DIP2A: variants seen among roughly 807,000 people sequenced by gnomAD.
DIP2A encodes the protein DIP2 acetate--CoA ligase A.
Under a neutral mutation model 177.4 loss-of-function variants are expected in DIP2A, and 85 were observed. The observed-to-expected ratio is 0.48, with a 90% CI of 0.40 to 0.57. The LOEUF is 0.57. Ranked by LOEUF, DIP2A falls within the 20% of genes least tolerant of loss-of-function variation. The pLI is 0.00. For synonymous variants in DIP2A, 886 were observed against 881.8 expected (o/e 1.00, Z -0.08); for missense variants, 1,791 against 2,100.2 (o/e 0.85, Z 2.88).
chr21:46,575,773 T>A, the DIP2A span, among the ~76,000 whole-genome samples: 1 of 152,166 alleles, frequency 6.6e-6, no homozygotes, highest in African/African-American at 2.4e-5. Flanking sequence ...TGGAAAGACA[T>A]CTTATGTTCA....
chr21:46,510,936 A>G (rs371513093), intron 7 of DIP2A, among the ~76,000 whole-genome samples: 2 of 151,622 alleles, frequency 1.3e-5, no homozygotes, highest in East Asian at 1.9e-4. Context: ...CCCAGCCTAT[A>G]ATCAAATAAT....
rs1471395638 is a variant in DIP2A at position 46,563,025 on chromosome 21, A to G, written c.4090-833A>G. On this transcript the variant is annotated intron_variant, in intron 34 of 37. Transcript: ENST00000417564. This position sits in a 1 kb window ranked among gnomAD's most constrained non-coding sequence, Gnocchi z 4.3. ...CCCCTTTTATTGGACGTTCTTTCCT[A>G]TTTTGCTGTTACAATCACTTGGGCC... Among the ~76,000 whole-genome samples the G allele has an allele frequency of 6.6e-6, 1 of 151,830 alleles. No homozygotes were observed. Among genetic ancestry groups the G allele is most frequent in the East Asian group, 1.9e-4 (1 of 5,184 alleles).
intron 8 of DIP2A, among the ~76,000 whole-genome samples, chr21:46,522,792 CAG>C (rs1249861350): frequency 6.6e-6 from 1 of 152,204 alleles, no homozygotes; most frequent in African/African-American, 2.4e-5. Flanking sequence ...ATGAGGAAAA[CAG>C]AGGTTCTTCC....
At position 46,556,320 on chromosome 21, in the gene DIP2A, T is replaced by C; in HGVS notation, c.3498+229T>C. ...GGTTATGTCTAAACTTTCTGATTTATGACTGTCTAGCTTACAGGAACTGGT... is the reference window on the plus strand; with the variant it reads ...GGTTATGTCTAAACTTTCTGATTTACGACTGTCTAGCTTACAGGAACTGGT... On this transcript the variant is annotated intron_variant, in intron 29 of 37. Transcript: ENST00000417564. The surrounding 1 kb of genome is among the most constrained non-coding windows in gnomAD (Gnocchi z 4.5). 2 of 1,487,132 alleles carry C rather than the reference T, an allele frequency of 1.3e-6. No homozygotes were observed. Among genetic ancestry groups the C allele is most frequent in the South Asian group, 2.4e-5 (2 of 82,642 alleles). 92.1% of individuals were successfully genotyped at this position (1,487,132 alleles called of 1,614,324 possible). A position where few individuals can be genotyped will look rare whatever the true frequency, so the allele number is the denominator to read the frequency against.
the DIP2A span, among the ~76,000 whole-genome samples, chr21:46,576,174 T>G: frequency 6.6e-6 from 1 of 152,170 alleles, no homozygotes; most frequent in Non-Finnish European, 1.5e-5. Flanking sequence ...ATGTGCAGAT[T>G]TGTTTCATAG....
chr21:46,458,947 C>T lies in DIP2A; in HGVS notation c.-185C>T, dbSNP rs993960163. On this transcript the variant is annotated 5_prime_UTR_variant, in exon 1 of 38. Coordinates refer to ENST00000417564, the MANE Select transcript of DIP2A (RefSeq NM_015151.4). ...CGGGGCAGCGGCGGCGCGGCGGAGC[C>T]ATCCGCGCTCGTGCCCGCGCGGGTG... 6.6e-5 allele frequency: 24 copies of T among 364,958 alleles called. No individual in the cohort carries two copies. The highest frequency in any genetic ancestry group is 8.5e-5 in the Non-Finnish European group (18 of 211,188). 22.6% of individuals were successfully genotyped at this position (364,958 alleles called of 1,614,324 possible).
intron 3 of DIP2A, among the ~76,000 whole-genome samples, chr21:46,494,919 G>A (rs1601501816): frequency 6.6e-6 from 1 of 152,126 alleles, no homozygotes; most frequent in Non-Finnish European, 1.5e-5. Flanking sequence ...TCCAGAATCT[G>A]CCATTTCTAA....
intron 28 of DIP2A, chr21:46,555,495 G>A (rs572167672): frequency 5.1e-6 from 1 of 196,608 alleles, no homozygotes; most frequent in South Asian, 8.5e-5. Flanking sequence ...TGCCTCAAGG[G>A]GAGCGGTGCC....
In DIP2A at chr21:46,541,905, A is replaced by G. The variant is rs753664765; in HGVS notation, c.2176+10A>G. On this transcript the variant is annotated intron_variant, in intron 18 of 37. Transcript: ENST00000417564. Reference sequence around the variant, plus strand: ...CAGGTGATGCCTGGAGGTAAGAGACATAACCAGAGTGGGTCTTTGTCCATG... The same window carrying G: ...CAGGTGATGCCTGGAGGTAAGAGACGTAACCAGAGTGGGTCTTTGTCCATG... 7.4e-6 allele frequency: 12 copies of G among 1,613,900 alleles called. No homozygotes were observed. The South Asian group carries it at 9.9e-5, about 13-fold the overall frequency.
At chr21:46,549,198 T>C (rs968689376) in intron 21 of DIP2A, among the ~76,000 whole-genome samples, 6 of 152,120 alleles carry the variant, frequency 3.9e-5, no homozygotes, top group African/African-American at 1.4e-4. Flanking sequence ...ATCCATAATG[T>C]CCCAGAGTCA....
intron 5 of DIP2A, among the ~76,000 whole-genome samples, chr21:46,502,986 G>C (rs1405350981): frequency 6.6e-6 from 1 of 152,124 alleles, no homozygotes; most frequent in Admixed American, 6.6e-5. Flanking sequence ...ATATGTTCCA[G>C]ATCTAATGTC....
chr21:46,547,671 T>TG (rs1489186510), intron 21 of DIP2A, among the ~76,000 whole-genome samples: 1 of 146,436 alleles, frequency 6.8e-6, no homozygotes, highest in Non-Finnish European at 1.5e-5. Flanking sequence ...TTTTTTTTTT[T>TG]TTTTTTTTTT....
In DIP2A at chr21:46,484,811, A is replaced by T; in HGVS notation, c.146A>T (p.Tyr49Phe). ...AAAAGGGCAAAGCTGCTTGCACGTT[A>T]TATACCGCTTATTCAAGGTAAGGTC... ...EKKRAKLLAR[Y>F]IPLIQGIDPS... is the part of the protein sequence containing the mutation. Residue 49 changes from tyrosine to phenylalanine, a missense_variant, in exon 2 of 38, where the codon TAT (tyrosine) becomes TTT (phenylalanine). Physicochemically the swap from Tyr to Phe is conservative, Grantham distance 22. Transcript: ENST00000417564. 6.3e-7 allele frequency: 1 copy of T among 1,585,580 alleles called. No homozygotes were observed. Among genetic ancestry groups the T allele is most frequent in the Middle Eastern group, 1.7e-4 (1 of 6,030 alleles).
rs1188802227 is a variant in DIP2A at position 46,511,599 on chromosome 21, T to C, written c.1087T>C (p.Tyr363His). The change falls in exon 8 of 38, where the codon TAC becomes CAC. Residue 363 changes from tyrosine to histidine, a missense_variant. Physicochemically the swap from Tyr to His is moderately conservative, Grantham distance 83. Coordinates refer to ENST00000417564, the MANE Select transcript of DIP2A (RefSeq NM_015151.4). ...CTTGGATACAACTGGGAAAGCCGTC[T>C]ACACTCTCACCTATGGCAAGTGTTA... ...TALDTTGKAV[Y>H]TLTYGKLWSR... The C allele has an allele frequency of 2.6e-6, 4 of 1,547,874 alleles. No homozygotes were observed. Among genetic ancestry groups the C allele is most frequent in the Non-Finnish European group, 3.5e-6 (4 of 1,150,818 alleles).
rs1328549537 is a variant in DIP2A at position 46,568,554 on chromosome 21, A to G, written c.*932A>G. Reference sequence around the variant, plus strand: ...AAAAAGAGGTGTGCTGCTTGTCAGCATGTATTGTCACGGACACTCAATAAG... The same window carrying G: ...AAAAAGAGGTGTGCTGCTTGTCAGCGTGTATTGTCACGGACACTCAATAAG... On this transcript the variant is annotated 3_prime_UTR_variant, in exon 38 of 38. Transcript: ENST00000417564. 1.3e-5 allele frequency: 2 copies of G among 152,202 alleles called. No homozygotes were observed. The highest frequency in any genetic ancestry group is 2.9e-5 in the Non-Finnish European group (2 of 68,028). 9.4% of individuals were successfully genotyped at this position (152,202 alleles called of 1,614,324 possible).
the DIP2A span, among the ~76,000 whole-genome samples, chr21:46,579,143 T>C: frequency 1.3e-5 from 2 of 152,206 alleles, no homozygotes; most frequent in Non-Finnish European, 2.9e-5. Context: ...GGACTTATTA[T>C]TGGTTTATTC....
intron 18 of DIP2A, among the ~76,000 whole-genome samples, chr21:46,543,262 A>C (rs74818252): frequency 0.019 from 2,830 of 152,330 alleles, 72 homozygotes; most frequent in African/African-American, 0.065. Context: ...TTATTTACTC[A>C]TGGGGAAAAT....
intron 28 of DIP2A, among the ~76,000 whole-genome samples, chr21:46,555,289 C>T (rs1280098464): frequency 2.0e-5 from 3 of 152,238 alleles, no homozygotes; most frequent in Admixed American, 6.5e-5. Flanking sequence ...CATCCCTGTC[C>T]CCATCATTGG....
chr21:46,497,803 G>T (rs2057437885), intron 4 of DIP2A, among the ~76,000 whole-genome samples: 1 of 152,142 alleles, frequency 6.6e-6, no homozygotes, highest in Non-Finnish European at 1.5e-5. Flanking sequence ...AGATGATTTA[G>T]TGGTTTTGGT....
Sources: gnomAD v4.1 joint callset for allele counts (sites outside exome capture counted in the v4.1 genomes callset) on GRCh38, gnomAD v4.1.1 for gene constraint, Gnocchi (gnomAD v3.1) non-coding constraint, MANE v1.5 for transcripts, NCBI Gene and HGNC (gene_info 2026-07-23, HGNC 2026-07-21) for gene names.